DMD: variants seen among roughly 807,000 people sequenced by gnomAD.
DMD encodes mutant dystrophin.
In DMD, 63 loss-of-function variants were observed where a neutral mutation model predicts 330.1. The observed-to-expected ratio is 0.19, with a 90% CI of 0.16 to 0.24. The LOEUF is 0.24. Ranked by LOEUF, DMD falls within the 10% of genes least tolerant of loss-of-function variation. The probability of loss-of-function intolerance (pLI) is 1.00; values close to 1 mark genes in which losing one functional copy is unlikely to be tolerated. For missense variants in DMD, 3,344 were observed against 2,684.1 expected (o/e 1.25, Z -5.43); for synonymous variants, 1,223 against 959.8 (o/e 1.27, Z -5.07).
At chrX:32,636,921 C>A (rs919690390) in intron 11 of DMD, among the ~76,000 whole-genome samples, 1 of 109,877 alleles carries the variant, frequency 9.1e-6, no homozygotes, top group Non-Finnish European at 1.9e-5. Context: ...TGGCGTGAAC[C>A]CGGGGGGCGG....
chrX:31,856,203 G>C (rs1290839578), intron 48 of DMD, among the ~76,000 whole-genome samples: 1 of 111,963 alleles, frequency 8.9e-6, no homozygotes, highest in Non-Finnish European at 1.9e-5. Context: ...TTCAACCAGG[G>C]ATATGCAAAT....
At chrX:31,137,938 C>T (rs1369624929) in intron 76 of DMD, among the ~76,000 whole-genome samples, 2 of 111,642 alleles carry the variant, frequency 1.8e-5, no homozygotes, top group Non-Finnish European at 3.8e-5. Flanking sequence ...AATGCAAAGA[C>T]TCTGAGAGGA....
chrX:31,661,884 G>C (rs1043636225), intron 53 of DMD, among the ~76,000 whole-genome samples: 2 of 111,793 alleles, frequency 1.8e-5, no homozygotes, highest in Non-Finnish European at 3.8e-5. Context: ...CAGTATCTTA[G>C]GTAGAAAAAG....
intron 48 of DMD, among the ~76,000 whole-genome samples, chrX:31,856,028 TATATA>T (rs2093608424): frequency 8.9e-6 from 1 of 111,926 alleles, no homozygotes; most frequent in South Asian, 3.6e-4. Flanking sequence ...ATTGTAGACT[TATATA>T]TTAGGTGCAT....
intron 2 of DMD, among the ~76,000 whole-genome samples, chrX:32,895,844 C>CGT (rs5902042): frequency 0.022 from 2,164 of 99,772 alleles, 43 homozygotes; most frequent in African/African-American, 0.058. Flanking sequence ...TTGGAATGAA[C>CGT]GTGTGTGTGT....
At chrX:33,319,508 C>T (rs1485407204) in intron 1 of DMD, among the ~76,000 whole-genome samples, 1 of 111,325 alleles carries the variant, frequency 9.0e-6, no homozygotes, top group African/African-American at 3.3e-5. Context: ...AAAATCAGGG[C>T]CATCCTCACC....
rs73617063 is a variant in DMD at position 31,261,317 on chromosome X, A to G, written c.9225-301T>C. The G allele has an allele frequency of 2.3e-3, 656 of 283,649 alleles. 6 individuals are homozygous for G. The highest frequency in any genetic ancestry group is 0.017 in the African/African-American group (608 of 36,520). 23.4% of individuals were successfully genotyped at this position (283,649 alleles called of 1,213,427 possible). ...TATGATAAATTGACCTTGTTATGTG[A>G]TCAATAATCGACTATCAGGACTTCT... On this transcript the variant is annotated intron_variant, in intron 62 of 78. Coordinates refer to ENST00000357033, the MANE Select transcript of DMD (RefSeq NM_004006.3).
chrX:32,174,324 A>T (rs970570270), intron 44 of DMD, among the ~76,000 whole-genome samples: 1 of 112,330 alleles, frequency 8.9e-6, no homozygotes, highest in Non-Finnish European at 1.9e-5. Context: ...AGAGAGAAAA[A>T]GGAAGGGATA....
chrX:31,202,290 T>C (rs950479568), intron 67 of DMD, among the ~76,000 whole-genome samples: 40 of 112,375 alleles, frequency 3.6e-4, no homozygotes, highest in African/African-American at 1.3e-3. Context: ...AAAATGAACC[T>C]AGATTGCCTG....
At chrX:33,294,077 A>G (rs763624511) in intron 1 of DMD, among the ~76,000 whole-genome samples, 1 of 111,472 alleles carries the variant, frequency 9.0e-6, no homozygotes, top group South Asian at 3.7e-4. Context: ...GTTTTTGGCC[A>G]TGTCTATCCA....
At chrX:31,608,490 T>A (rs1415656626) in intron 55 of DMD, among the ~76,000 whole-genome samples, 1 of 112,146 alleles carries the variant, frequency 8.9e-6, no homozygotes, top group Non-Finnish European at 1.9e-5. Context: ...AGGCTTTATA[T>A]TTTTATCATA....
chrX:32,042,098 CATAT>C lies in DMD; in HGVS notation c.6439-73588_6439-73585del, dbSNP rs1194083335. On this transcript the variant is annotated intron_variant, in intron 44 of 78. Coordinates refer to ENST00000357033, the MANE Select transcript of DMD (RefSeq NM_004006.3). ...ATATATACACACACACATATGTATA[CATAT>C]ATACATACATATACACACATATGTA... Among the ~76,000 whole-genome samples, 6 of 58,394 alleles carry C rather than the reference CATAT, an allele frequency of 1.0e-4. No homozygotes were observed. The East Asian group carries it at 2.7e-3, about 26-fold the overall frequency. 50.7% of individuals were successfully genotyped at this position (58,394 alleles called of 115,157 possible).
intron 1 of DMD, among the ~76,000 whole-genome samples, chrX:33,256,396 T>C (rs1332208240): frequency 9.0e-6 from 1 of 110,690 alleles, no homozygotes; most frequent in Non-Finnish European, 1.9e-5. Flanking sequence ...AGTTTGATGG[T>C]AACACCATCC....
chrX:31,880,043 CA>C (rs1264253373), intron 47 of DMD, among the ~76,000 whole-genome samples: 2 of 111,849 alleles, frequency 1.8e-5, no homozygotes, highest in African/African-American at 6.5e-5. Flanking sequence ...GACCTAATTT[CA>C]CACAAGATTA....
chrX:31,658,485 A>T lies in DMD; in HGVS notation c.7873-341T>A, dbSNP rs773823620. ...TATATAATTGTTGAATATGTGACATATAACAACATTTGAACGAAAAAAACC... is the reference window on the plus strand; with the variant it reads ...TATATAATTGTTGAATATGTGACATTTAACAACATTTGAACGAAAAAAACC... On this transcript the variant is annotated intron_variant, in intron 53 of 78. Coordinates refer to ENST00000357033, the MANE Select transcript of DMD (RefSeq NM_004006.3). 8.9e-5 allele frequency among the ~76,000 whole-genome samples: 10 copies of T among 112,352 alleles called. No homozygotes were observed. In the East Asian group the frequency reaches 2.5e-3, roughly 28 times the overall value.
intron 7 of DMD, among the ~76,000 whole-genome samples, chrX:32,717,950 T>C (rs1168632577): frequency 1.8e-5 from 2 of 111,637 alleles, no homozygotes; most frequent in Non-Finnish European, 3.8e-5. Context: ...TTAACTCTTT[T>C]GAGCTAATGC....
At chrX:32,042,730 TA>T (rs774695770) in intron 44 of DMD, among the ~76,000 whole-genome samples, 25 of 112,137 alleles carry the variant, frequency 2.2e-4, no homozygotes, top group Non-Finnish European at 4.1e-4. Context: ...TACAAGTAAA[TA>T]AATTGATAGA....
chrX:32,376,859 T>C (rs2097905254), intron 34 of DMD, among the ~76,000 whole-genome samples: 1 of 111,359 alleles, frequency 9.0e-6, no homozygotes, highest in East Asian at 2.8e-4. Flanking sequence ...GTTAGATTCA[T>C]TTTTCTCAGC....
chrX:32,606,563 C>G (rs1270791252), intron 12 of DMD, among the ~76,000 whole-genome samples: 1 of 108,824 alleles, frequency 9.2e-6, no homozygotes, highest in Non-Finnish European at 1.9e-5. Flanking sequence ...GGTATATACT[C>G]AACAAAAACA....
Sources: allele counts gnomAD v4.1 joint callset (sites outside exome capture counted in the v4.1 genomes callset), GRCh38; gene constraint gnomAD v4.1.1; transcripts MANE v1.5; gene names NCBI Gene and HGNC (gene_info 2026-07-23, HGNC 2026-07-21).